ATP10A: variants seen among roughly 807,000 people sequenced by gnomAD.
The protein encoded by ATP10A is ATPase phospholipid transporting 10A (putative).
A neutral mutation model predicts 147.8 loss-of-function variants in ATP10A; 111 were observed. That is an observed-to-expected ratio of 0.75 (90% CI 0.64 to 0.88). The LOEUF (loss-of-function observed/expected upper bound fraction) is 0.88, where lower values mean the gene tolerates loss of function less well. ATP10A is among the 40% of genes least tolerant of loss of function. The pLI is 0.00. For synonymous variants in ATP10A, 875 were observed against 841.6 expected (o/e 1.04, Z -0.69); for missense variants, 1,927 against 1,959.0 (o/e 0.98, Z 0.31).
intron 8 of ATP10A, 102 bp from the exon 9 acceptor site, chr15:25,717,026 C>T (rs1279004116): frequency 2.2e-6 from 2 of 915,614 alleles, no homozygotes; most frequent in Non-Finnish European, 3.1e-6. Flanking sequence ...AAGCTGTAAA[C>T]AGAACTTCAT....
intron 1 of ATP10A, among the ~76,000 whole-genome samples, chr15:25,790,974 T>C (rs1339063563): frequency 6.6e-6 from 1 of 152,186 alleles, no homozygotes; most frequent in Non-Finnish European, 1.5e-5. Flanking sequence ...GTAAATATTT[T>C]TTCCTAAGAG....
chr15:25,798,382 C>G (rs1031449080), intron 1 of ATP10A, among the ~76,000 whole-genome samples: 1 of 152,204 alleles, frequency 6.6e-6, no homozygotes, highest in African/African-American at 2.4e-5. Context: ...AGCCCTCCCC[C>G]TGCCCCAGGC....
chr15:25,806,685 G>A (rs1891205842), intron 1 of ATP10A, among the ~76,000 whole-genome samples: 1 of 152,064 alleles, frequency 6.6e-6, no homozygotes, highest in Admixed American at 6.6e-5. Flanking sequence ...TGCATCTAAC[G>A]TACAAAATAT....
At chr15:25,828,980 G>A (rs1892234250) in intron 1 of ATP10A, among the ~76,000 whole-genome samples, 1 of 152,162 alleles carries the variant, frequency 6.6e-6, no homozygotes, top group Non-Finnish European at 1.5e-5. Context: ...TATTAATAAA[G>A]CTTTGCTCCA....
intron 1 of ATP10A, among the ~76,000 whole-genome samples, chr15:25,855,156 T>A (rs1893459874): frequency 6.6e-6 from 1 of 151,624 alleles, no homozygotes; most frequent in African/African-American, 2.4e-5. Context: ...TTTTCTGATA[T>A]CAAAACCAGA....
chr15:25,810,994 G>A (rs1394102278), intron 1 of ATP10A, among the ~76,000 whole-genome samples: 1 of 152,206 alleles, frequency 6.6e-6, no homozygotes, highest in East Asian at 1.9e-4. Context: ...GGGGCTGGAA[G>A]GAGGCGGGAG....
chr15:25,690,159 T>TA lies in ATP10A; in HGVS notation c.3165+1555dup, dbSNP rs1899940538. On this transcript the variant is annotated intron_variant, in intron 15 of 20. Transcript: ENST00000555815. Reference sequence around the variant, plus strand: ...CCTTACTGATCACACAAACAGTTGATAAACACGCACAATGGAATCTACATG... The same window carrying TA: ...CCTTACTGATCACACAAACAGTTGATAAAACACGCACAATGGAATCTACATG... Among the ~76,000 whole-genome samples, 11 of 149,834 alleles carry TA rather than the reference T, an allele frequency of 7.3e-5. No homozygotes were observed. The South Asian group carries it at 2.4e-3, about 32-fold the overall frequency.
At chr15:25,672,973 G>A (rs1271713315), downstream of ATP10A, among the ~76,000 whole-genome samples, 1 of 152,132 alleles carries the variant, frequency 6.6e-6, no homozygotes. Context: ...CACTTGTACG[G>A]ATGTGTGCAC....
chr15:25,840,189 TTTGGGGGTTTGTTACACAGGTAACAAACC>T (rs1168000577), intron 1 of ATP10A, among the ~76,000 whole-genome samples: 2 of 152,072 alleles, frequency 1.3e-5, no homozygotes, highest in African/African-American at 4.8e-5. Context: ...TTATTTTAGG[TTTGGGGGTTTGTTACACAGGTAACAAACC>T]TATGCACATG....
At chr15:25,771,893 C>G (rs1390982165) in intron 2 of ATP10A, among the ~76,000 whole-genome samples, 2 of 151,954 alleles carry the variant, frequency 1.3e-5, no homozygotes, top group African/African-American at 4.8e-5. Context: ...GCTGGAATTA[C>G]AGGCGCCCAC....
At chr15:25,860,217 C>T (rs1411508030) in intron 1 of ATP10A, among the ~76,000 whole-genome samples, 1 of 152,244 alleles carries the variant, frequency 6.6e-6, no homozygotes, top group East Asian at 1.9e-4. Flanking sequence ...GTCCACCCCC[C>T]GCCCCCGATC....
intron 2 of ATP10A, among the ~76,000 whole-genome samples, chr15:25,742,121 G>A (rs1261975298): frequency 1.3e-5 from 2 of 151,810 alleles, no homozygotes; most frequent in African/African-American, 2.4e-5. Context: ...CGCTCATGGC[G>A]GGACACTCCA....
chr15:25,694,917 T>A lies in ATP10A; in HGVS notation c.2990A>T (p.Gln997Leu). ...LEDKFLFLAK[Q>L]CRSVLCCRST... ...CCGACAGCAGAGGACGGAGCGGCAC[T>A]GCTTGGCAAGGAAGAGGAATTTGTC... The change falls in exon 14 of 21, where the codon CAG becomes CTG. Residue 997 changes from glutamine to leucine, a missense_variant. Coordinates refer to ENST00000555815, the MANE Select transcript of ATP10A (RefSeq NM_024490.4). The A allele has an allele frequency of 6.2e-7, 1 of 1,614,202 alleles. No homozygotes were observed. Among genetic ancestry groups the A allele is most frequent in the Non-Finnish European group, 8.5e-7 (1 of 1,180,042 alleles).
In ATP10A at chr15:25,764,514, CCTCT is replaced by C. The variant is rs147047284; in HGVS notation, c.654+16501_654+16504del. Reference sequence around the variant, plus strand: ...GAAGAGACACTCACTCGAAGTTCTGCCTCTCTCTCTCTCTCCACCATGTGAGGAC... The same window carrying C: ...GAAGAGACACTCACTCGAAGTTCTGCCTCTCTCTCTCCACCATGTGAGGAC... On this transcript the variant is annotated intron_variant, in intron 2 of 20. Coordinates refer to ENST00000555815, the MANE Select transcript of ATP10A (RefSeq NM_024490.4). Among the ~76,000 whole-genome samples the C allele has an allele frequency of 2.8e-4, 42 of 151,212 alleles. 1 individual carries two copies. The highest frequency in any genetic ancestry group is 9.9e-4 in the African/African-American group (41 of 41,244).
At chr15:25,852,735 C>A (rs1053225481) in intron 1 of ATP10A, among the ~76,000 whole-genome samples, 3 of 152,188 alleles carry the variant, frequency 2.0e-5, no homozygotes, top group African/African-American at 7.2e-5. Context: ...GTGGCCCAGA[C>A]TATGGTGTGT....
intron 13 of ATP10A, among the ~76,000 whole-genome samples, chr15:25,699,354 G>A (rs150031366): frequency 2.6e-5 from 4 of 152,268 alleles, no homozygotes; most frequent in East Asian, 3.9e-4. Flanking sequence ...AAAAGAAGAC[G>A]CTTTCAACAA....
chr15:25,682,215 G>GT (rs1259348224), intron 17 of ATP10A, among the ~76,000 whole-genome samples: 2 of 152,016 alleles, frequency 1.3e-5, no homozygotes, highest in Admixed American at 1.3e-4. Context: ...GCCTCTCTTG[G>GT]TGGTGGGTCC....
rs762922617 is a variant in ATP10A, at chr15:25,727,111, A to G, written c.847+49T>C. Reference sequence around the variant, plus strand: ...AGAAAACAGTGAGGGGAAGTGCTGGAGAACACAGCGCTGTCTGGCGGCAGG... The same window carrying G: ...AGAAAACAGTGAGGGGAAGTGCTGGGGAACACAGCGCTGTCTGGCGGCAGG... On this transcript the variant is annotated intron_variant, in intron 4 of 20. Coordinates refer to ENST00000555815, the MANE Select transcript of ATP10A (RefSeq NM_024490.4). 3 of 1,352,954 alleles carry G rather than the reference A, an allele frequency of 2.2e-6. No individual in the cohort carries two copies. In the Admixed American group the frequency reaches 5.3e-5, roughly 24 times the overall value. 83.8% of individuals were successfully genotyped at this position (1,352,954 alleles called of 1,614,324 possible). A position where few individuals can be genotyped will look rare whatever the true frequency, so the allele number is the denominator to read the frequency against.
At chr15:25,705,763 C>CA (rs1334860850) in intron 12 of ATP10A, among the ~76,000 whole-genome samples, 2 of 152,214 alleles carry the variant, frequency 1.3e-5, no homozygotes, top group African/African-American at 4.8e-5. Context: ...TGGCTGACTT[C>CA]AATCTACTAA....
Sources: allele counts gnomAD v4.1 joint callset (sites outside exome capture counted in the v4.1 genomes callset), GRCh38; gene constraint gnomAD v4.1.1; transcripts MANE v1.5; gene names NCBI Gene and HGNC (gene_info 2026-07-23, HGNC 2026-07-21).